The following ARMC9 variants were observed in gnomAD, a reference collection of about 807,000 sequenced individuals.
The protein encoded by ARMC9 is armadillo repeat containing 9.
A neutral mutation model predicts 107.0 loss-of-function variants in ARMC9; 94 were observed. That is an observed-to-expected ratio of 0.88 (90% CI 0.74 to 1.04). ARMC9 has a LOEUF of 1.04. Ranked by LOEUF, ARMC9 falls within the 50% of genes least tolerant of loss-of-function variation. ARMC9 has a pLI of 0.00. For missense variants in ARMC9, 942 were observed against 1,030.1 expected (o/e 0.91, Z 1.17); for synonymous variants, 380 against 396.9 (o/e 0.96, Z 0.51).
chr2:231,331,065 C>T (rs1329085767), intron 19 of ARMC9, among the ~76,000 whole-genome samples: 1 of 152,026 alleles, frequency 6.6e-6, no homozygotes, highest in Non-Finnish European at 1.5e-5. Context: ...TCACTTGAGC[C>T]CAGGAGGTCA....
At chr2:231,318,639 A>C (rs2125530018) in intron 19 of ARMC9, among the ~76,000 whole-genome samples, 1 of 152,298 alleles carries the variant, frequency 6.6e-6, no homozygotes, top group South Asian at 2.1e-4. Flanking sequence ...GAAGGCCATG[A>C]ACACACAGTT....
chr2:231,226,049 G>T (rs1260857284), intron 6 of ARMC9, among the ~76,000 whole-genome samples: 2 of 152,126 alleles, frequency 1.3e-5, no homozygotes, highest in Non-Finnish European at 2.9e-5. Flanking sequence ...CAGAGACAGG[G>T]TTTTGCCATG....
At chr2:231,209,502 CTGAGACAGCAT>C (rs2125311812) in intron 3 of ARMC9, among the ~76,000 whole-genome samples, 1 of 152,250 alleles carries the variant, frequency 6.6e-6, no homozygotes, top group African/African-American at 2.4e-5. Context: ...GTACCATTTC[CTGAGACAGCAT>C]GTTTCACATT....
chr2:231,255,180 A>AACACACACACACAC lies in ARMC9; in HGVS notation c.880-1378_880-1365dup, dbSNP rs3042595. 8.9e-5 allele frequency among the ~76,000 whole-genome samples: 13 copies of AACACACACACACAC among 146,866 alleles called. No individual in the cohort carries two copies. Among genetic ancestry groups the AACACACACACACAC allele is most frequent in the East Asian group, 4.0e-4 (2 of 4,972 alleles). ...AGCACTACCTGTAGTGGCAAAAAGA[A>AACACACACACACAC]ACACACACACACACACACACACACA... On this transcript the variant is annotated intron_variant, in intron 9 of 24. Transcript: ENST00000611582. This position sits in a 1 kb window ranked among gnomAD's most constrained non-coding sequence, Gnocchi z 4.7.
intron 23 of ARMC9, among the ~76,000 whole-genome samples, chr2:231,361,970 A>G (rs1176970479): frequency 1.3e-5 from 2 of 152,192 alleles, no homozygotes; most frequent in Non-Finnish European, 2.9e-5. Flanking sequence ...GGGATGGGCT[A>G]GAAGCCGAAA....
At chr2:231,198,920 A>G (rs1406423849) in intron 1 of ARMC9, 1 of 152,292 alleles carries the variant, frequency 6.6e-6, no homozygotes, top group East Asian at 1.9e-4. Context: ...ATCCCAAGAA[A>G]GGACAGGCCC....
In ARMC9 at chr2:231,276,714, G is replaced by A. The variant is rs369877851; in HGVS notation, c.1413G>A (p.Leu471=). The A allele has an allele frequency of 1.9e-6, 3 of 1,614,150 alleles. No individual in the cohort carries two copies. Among genetic ancestry groups the A allele is most frequent in the African/African-American group, 1.3e-5 (1 of 75,046 alleles). The part of the protein sequence containing the change: ...LVDVLKDPDC[L]SDYTLEYSVA... ...ATGTTCTGAAGGACCCTGACTGCCT[G>A]TCTGACTACACGCTGGAGTACTCGG... is the stretch of plus-strand genomic sequence containing the variant. The change falls in exon 15 of 25, where the codon CTG becomes CTA. Residue 471 remains leucine, a synonymous_variant. Transcript: ENST00000611582.
At chr2:231,200,978 C>T (rs535780217) in intron 1 of ARMC9, among the ~76,000 whole-genome samples, 1 of 152,248 alleles carries the variant, frequency 6.6e-6, no homozygotes, top group East Asian at 1.9e-4. Context: ...ACATCAACCA[C>T]AGGCTTAGGA....
rs1366773088 is a variant in ARMC9 at position 231,219,228 on chromosome 2, A to G, written c.504+2435A>G. Among the ~76,000 whole-genome samples the G allele has an allele frequency of 2.0e-5, 3 of 152,006 alleles. No individual in the cohort carries two copies. The East Asian group carries it at 5.8e-4, about 29-fold the overall frequency. On this transcript the variant is annotated intron_variant, in intron 5 of 24. Transcript: ENST00000611582. ...ACTATTTTATGCAATCAGTGTGTGTAGATTTTCCCTTATAGCTACCAGTAT... is the reference window on the plus strand; with the variant it reads ...ACTATTTTATGCAATCAGTGTGTGTGGATTTTCCCTTATAGCTACCAGTAT...
In ARMC9 at chr2:231,222,735, G is replaced by A. The variant is rs1421606059; in HGVS notation, c.512G>A (p.Trp171Ter). 1 of 1,537,934 alleles carries A rather than the reference G, an allele frequency of 6.5e-7. No individual in the cohort carries two copies. The highest frequency in any genetic ancestry group is 9.0e-7 in the Non-Finnish European group (1 of 1,117,120). Reference protein sequence around the residue: ...PSFKELFQDSWTPELKLKLIK... With the variant: ...PSFKELFQDS The stretch of plus-strand genomic sequence containing the variant: ...GTTCCCTTTTTTCTTTAGGATTCCT[G>A]GACTCCAGAGTTAAAGTTGAAGTTG... Residue 171 changes from tryptophan to a stop codon, truncating the protein, a stop_gained, in exon 6 of 25, where the codon TGG becomes TAG. Transcript: ENST00000611582. LOFTEE classifies it high-confidence loss of function.
At chr2:231,256,249 C>T (rs2037792659) in intron 9 of ARMC9, 6 of 1,546,186 alleles carry the variant, frequency 3.9e-6, no homozygotes, top group Non-Finnish European at 5.2e-6. Context: ...GCCCCGTGCG[C>T]GAGGGCGACG....
chr2:231,291,268 T>G, intron 17 of ARMC9, 85 bp from the exon 18 acceptor site: 2 of 1,065,008 alleles, frequency 1.9e-6, no homozygotes, highest in Admixed American at 3.5e-5. Flanking sequence ...ACATTATTTT[T>G]TGGATTAGAT....
intron 19 of ARMC9, among the ~76,000 whole-genome samples, chr2:231,307,084 C>G (rs2042074323): frequency 6.6e-6 from 1 of 152,300 alleles, no homozygotes; most frequent in East Asian, 1.9e-4. Context: ...CTGGTGTTCT[C>G]CCCTCTCCAT....
intron 23 of ARMC9, among the ~76,000 whole-genome samples, chr2:231,367,600 T>C (rs1265582766): frequency 1.3e-5 from 2 of 152,180 alleles, no homozygotes; most frequent in Non-Finnish European, 2.9e-5. Flanking sequence ...TTTTACTAGG[T>C]TTCCTGTTGT....
intron 5 of ARMC9, among the ~76,000 whole-genome samples, chr2:231,219,262 A>C (rs942745859): frequency 2.0e-5 from 3 of 151,954 alleles, no homozygotes; most frequent in African/African-American, 7.3e-5. Flanking sequence ...ATTTTTGTTC[A>C]TCATTCCATC....
At chr2:231,327,745 T>C (rs944260445) in intron 19 of ARMC9, among the ~76,000 whole-genome samples, 1 of 152,218 alleles carries the variant, frequency 6.6e-6, no homozygotes. Flanking sequence ...CTTTAAGAAA[T>C]TGCCGAAATG....
chr2:231,205,524 G>A (rs755116900), intron 1 of ARMC9, among the ~76,000 whole-genome samples: 1 of 152,224 alleles, frequency 6.6e-6, no homozygotes, highest in Non-Finnish European at 1.5e-5. Flanking sequence ...ACGGGCAACT[G>A]CTTTGGGCTG....
At chr2:231,202,867 TTC>T (rs750867157) in intron 1 of ARMC9, among the ~76,000 whole-genome samples, 3 of 152,096 alleles carry the variant, frequency 2.0e-5, no homozygotes, top group Admixed American at 1.3e-4. Flanking sequence ...GGACATTCTG[TTC>T]CCTTCAGGTG....
intron 19 of ARMC9, among the ~76,000 whole-genome samples, chr2:231,316,865 C>T (rs995055269): frequency 1.3e-5 from 2 of 152,062 alleles, no homozygotes; most frequent in African/African-American, 2.4e-5. Flanking sequence ...CAGGTTCAAG[C>T]AATTCTCATG....
Sources: gnomAD v4.1 joint callset for allele counts (sites outside exome capture counted in the v4.1 genomes callset) on GRCh38, gnomAD v4.1.1 for gene constraint, Gnocchi (gnomAD v3.1) non-coding constraint, MANE v1.5 for transcripts, NCBI Gene and HGNC (gene_info 2026-07-23, HGNC 2026-07-21) for gene names.